KLF12: variants seen among roughly 807,000 people sequenced by gnomAD.
KLF12 encodes KLF transcription factor 12, also known as Krueppel-like factor 12.
KLF12 carries 9 observed loss-of-function variants against 37.8 expected under a neutral mutation model. That is an observed-to-expected ratio of 0.24 (90% CI 0.14 to 0.42). The LOEUF (loss-of-function observed/expected upper bound fraction) is 0.42, where lower values mean the gene tolerates loss of function less well. Ranked by LOEUF, KLF12 falls within the 10% of genes least tolerant of loss-of-function variation. The pLI is 1.00. For missense variants in KLF12, 411 were observed against 516.0 expected, an observed-to-expected ratio of 0.80 and a Z score of 1.97; for synonymous variants, 208 against 202.1, an observed-to-expected ratio of 1.03 and a Z score of -0.25.
intron 1 of KLF12, among the ~76,000 whole-genome samples, chr13:74,041,486 G>A (rs796153760): frequency 3.9e-5 from 6 of 152,126 alleles, no homozygotes; most frequent in African/African-American, 1.4e-4. Flanking sequence ...ATGTTAAGAT[G>A]CTGACTTACT....
chr13:74,275,823 T>C, the KLF12 span, among the ~76,000 whole-genome samples: 113 of 113,698 alleles, frequency 9.9e-4, no homozygotes, highest in African/African-American at 3.7e-3. Context: ...TCTTTCTTTC[T>C]TTCTTTCTTT....
chr13:73,871,715 C>T (rs947049841), intron 3 of KLF12, among the ~76,000 whole-genome samples: 1 of 152,180 alleles, frequency 6.6e-6, no homozygotes, highest in Non-Finnish European at 1.5e-5. Context: ...CTTTAGGACA[C>T]AGTTCAGACA....
chr13:73,743,886 G>T (rs1173732681), intron 6 of KLF12, among the ~76,000 whole-genome samples: 2 of 152,060 alleles, frequency 1.3e-5, no homozygotes, highest in African/African-American at 4.8e-5. Context: ...GTACATGGAG[G>T]GCTCTTATCA....
In KLF12 at chr13:73,796,755, A is replaced by G. The variant is rs1247202106; in HGVS notation, c.806+16397T>C. Among the ~76,000 whole-genome samples the G allele has an allele frequency of 2.0e-5, 3 of 152,316 alleles. No homozygotes were observed. The East Asian group carries it at 5.8e-4, about 29-fold the overall frequency. On this transcript the variant is annotated intron_variant, in intron 5 of 7. Transcript: ENST00000377669. ...AAATAAAAACATATGTCCACAGAAA[A>G]GTTGCACACACAGACCTTCATCTAG... is the stretch of plus-strand genomic sequence containing the variant.
At chr13:74,039,751 T>C (rs1039386090) in intron 1 of KLF12, among the ~76,000 whole-genome samples, 1 of 152,234 alleles carries the variant, frequency 6.6e-6, no homozygotes, top group African/African-American at 2.4e-5. Context: ...AGATAGAAAT[T>C]CTTCACACAT....
intron 3 of KLF12, among the ~76,000 whole-genome samples, chr13:73,867,762 A>G (rs546183919): frequency 2.0e-5 from 3 of 152,150 alleles, no homozygotes; most frequent in Non-Finnish European, 4.4e-5. Context: ...AAAGGGATAC[A>G]ATCATTCAGC....
rs1873782366 is a variant in KLF12 at position 73,690,881 on chromosome 13, CCTT to C, written c.*4606_*4608del. 6.6e-6 allele frequency: 1 copy of C among 152,472 alleles called. No homozygotes were observed. Among genetic ancestry groups the C allele is most frequent in the African/African-American group, 2.4e-5 (1 of 41,404 alleles). 9.4% of individuals were successfully genotyped at this position (152,472 alleles called of 1,614,324 possible). ...ACTCTATTTTTTAAAGATGCAGTATCCTTCTATTTCATTTTCTTATGAAAATCT... is the reference window on the plus strand; with the variant it reads ...ACTCTATTTTTTAAAGATGCAGTATCCTATTTCATTTTCTTATGAAAATCT... On this transcript the variant is annotated 3_prime_UTR_variant, in exon 8 of 8. Coordinates refer to ENST00000377669, the MANE Select transcript of KLF12 (RefSeq NM_007249.5).
At chr13:74,146,889 A>G in the KLF12 span, among the ~76,000 whole-genome samples, 1 of 152,206 alleles carries the variant, frequency 6.6e-6, no homozygotes, top group East Asian at 1.9e-4. Context: ...ATTTGCACCT[A>G]CGTTGACTGA....
rs902361820 is a variant in KLF12 at position 74,081,142 on chromosome 13, A to C, written c.-32+52597T>G. ...AAACAGCAGTGTAGTAAAAGAGGCA[A>C]ATAAAATAGGTCTCATAATCTAGCC... On this transcript the variant is annotated intron_variant, in intron 1 of 7. Transcript: ENST00000377669. 3.9e-5 allele frequency among the ~76,000 whole-genome samples: 6 copies of C among 152,360 alleles called. No individual in the cohort carries two copies. The South Asian group carries it at 1.0e-3, about 26-fold the overall frequency.
At chr13:73,871,761 C>G (rs1886477335) in intron 3 of KLF12, among the ~76,000 whole-genome samples, 1 of 152,172 alleles carries the variant, frequency 6.6e-6, no homozygotes, top group African/African-American at 2.4e-5. Flanking sequence ...GATGCTCACT[C>G]TAGGCTGGTT....
chr13:73,964,543 G>A (rs1405498285), intron 2 of KLF12, among the ~76,000 whole-genome samples: 2 of 151,770 alleles, frequency 1.3e-5, no homozygotes, highest in Admixed American at 1.3e-4. Flanking sequence ...GCCAAGGCGG[G>A]TGGATCACGA....
chr13:74,177,494 A>G, the KLF12 span, among the ~76,000 whole-genome samples: 1 of 152,188 alleles, frequency 6.6e-6, no homozygotes, highest in African/African-American at 2.4e-5. Flanking sequence ...TGGTAAAATG[A>G]GGCCAGAAAG....
At chr13:73,851,285 CATAA>C (rs1416710050) in intron 3 of KLF12, among the ~76,000 whole-genome samples, 1 of 152,188 alleles carries the variant, frequency 6.6e-6, no homozygotes, top group Non-Finnish European at 1.5e-5. Context: ...CACAGAATCT[CATAA>C]ATACAGTCAT....
chr13:74,245,318 T>TATCA, the KLF12 span, among the ~76,000 whole-genome samples: 1 of 151,438 alleles, frequency 6.6e-6, no homozygotes, highest in African/African-American at 2.4e-5. Flanking sequence ...TCTATCTATC[T>TATCA]ATCTATCTAT....
At chr13:74,221,130 G>A in the KLF12 span, among the ~76,000 whole-genome samples, 3 of 151,894 alleles carry the variant, frequency 2.0e-5, no homozygotes, top group African/African-American at 4.8e-5. Flanking sequence ...TCAGCCTGCG[G>A]AGTAGCTGGG....
chr13:73,933,773 T>C (rs965637060), intron 3 of KLF12, among the ~76,000 whole-genome samples: 16 of 152,182 alleles, frequency 1.1e-4, no homozygotes, highest in African/African-American at 3.6e-4. Flanking sequence ...TAATCCATAT[T>C]TGCTCTCCTA....
chr13:73,757,121 C>T (rs576448012), intron 6 of KLF12, among the ~76,000 whole-genome samples: 17 of 152,250 alleles, frequency 1.1e-4, no homozygotes, highest in African/African-American at 3.1e-4. Flanking sequence ...CAAAATTACA[C>T]TTGTATCTCA....
intron 7 of KLF12, among the ~76,000 whole-genome samples, chr13:73,702,406 C>T (rs1461408803): frequency 1.3e-5 from 2 of 152,144 alleles, no homozygotes; most frequent in African/African-American, 2.4e-5. Context: ...CAGGTACCTC[C>T]CATTTCGCCA....
intron 3 of KLF12, among the ~76,000 whole-genome samples, chr13:73,871,388 T>TA (rs1246656120): frequency 6.6e-6 from 1 of 152,170 alleles, no homozygotes; most frequent in Non-Finnish European, 1.5e-5. Context: ...CTGAAATACT[T>TA]AGAGTGGTTC....
Sources: gnomAD v4.1 joint callset for allele counts (sites outside exome capture counted in the v4.1 genomes callset) on GRCh38, gnomAD v4.1.1 for gene constraint, MANE v1.5 for transcripts, NCBI Gene and HGNC (gene_info 2026-07-23, HGNC 2026-07-21) for gene names.